Variants in MCC observed in about 807,000 individuals in gnomAD.
MCC encodes the protein colorectal mutant cancer protein.
MCC carries 90 observed loss-of-function variants against 116.2 expected under a neutral mutation model. The observed-to-expected ratio is 0.77, with a 90% CI of 0.65 to 0.92. The LOEUF is 0.92. Ranked by LOEUF, MCC falls within the 40% of genes least tolerant of loss-of-function variation. The pLI is 0.00. For missense variants in MCC, 1,516 were observed against 1,312.2 expected (o/e 1.16, Z -2.40); for synonymous variants, 578 against 510.5 (o/e 1.13, Z -1.78).
chr5:113,306,552 C>T (rs560312423), intron 3 of MCC, among the ~76,000 whole-genome samples: 1 of 152,184 alleles, frequency 6.6e-6, no homozygotes, highest in African/African-American at 2.4e-5. Context: ...AAATCCTTTG[C>T]CCATTTTTAA....
At chr5:113,269,209 C>T (rs1192417167) in intron 3 of MCC, 60 of 985,244 alleles carry the variant, frequency 6.1e-5, no homozygotes, top group Non-Finnish European at 7.1e-5. Flanking sequence ...CCCTCCCTGG[C>T]GTCAGGGCCC....
chr5:113,216,749 G>C (rs1197028138), intron 3 of MCC, among the ~76,000 whole-genome samples: 1 of 152,188 alleles, frequency 6.6e-6, no homozygotes, highest in Non-Finnish European at 1.5e-5. Context: ...CTATAGATGG[G>C]TGACAAAGTA....
intron 3 of MCC, among the ~76,000 whole-genome samples, chr5:113,277,119 G>A (rs538379326): frequency 6.6e-6 from 1 of 151,844 alleles, no homozygotes; most frequent in Non-Finnish European, 1.5e-5. Flanking sequence ...TAGGCAGGCA[G>A]ATCACCTGAG....
At chr5:113,319,349 C>G (rs1041016322) in intron 3 of MCC, among the ~76,000 whole-genome samples, 42 of 152,116 alleles carry the variant, frequency 2.8e-4, no homozygotes, top group Admixed American at 2.6e-3. Context: ...ACTTCTTGCA[C>G]CCAAATGAGG....
At chr5:113,478,979 C>T (rs549852912) in intron 1 of MCC, among the ~76,000 whole-genome samples, 2 of 152,278 alleles carry the variant, frequency 1.3e-5, no homozygotes, top group South Asian at 4.1e-4. Flanking sequence ...TTATCTGAAA[C>T]AGATAATCCT....
chr5:113,359,408 A>C (rs1363345388), intron 2 of MCC, among the ~76,000 whole-genome samples: 1 of 152,216 alleles, frequency 6.6e-6, no homozygotes, highest in East Asian at 1.9e-4. Flanking sequence ...TGATGTCTTT[A>C]AGCACAGGCC....
At chr5:113,178,366 G>A (rs1282759086) in intron 3 of MCC, among the ~76,000 whole-genome samples, 2 of 151,940 alleles carry the variant, frequency 1.3e-5, no homozygotes, top group African/African-American at 4.8e-5. Flanking sequence ...TGGCATTAGT[G>A]CAGCAAAGGA....
chr5:113,354,361 C>G (rs1462172589), intron 2 of MCC, among the ~76,000 whole-genome samples: 1 of 151,968 alleles, frequency 6.6e-6, no homozygotes, highest in East Asian at 1.9e-4. Flanking sequence ...TGGTGAATTA[C>G]AAGAACAGAG....
chr5:113,293,976 G>A (rs891253865), intron 3 of MCC, among the ~76,000 whole-genome samples: 12 of 152,124 alleles, frequency 7.9e-5, no homozygotes, highest in Admixed American at 2.6e-4. Flanking sequence ...GAATGTCCGT[G>A]TATTTTACCG....
chr5:113,458,529 G>C (rs1771646513), intron 1 of MCC, among the ~76,000 whole-genome samples: 1 of 152,174 alleles, frequency 6.6e-6, no homozygotes, highest in African/African-American at 2.4e-5. Flanking sequence ...GTGAGACCAA[G>C]AACCCACCAA....
chr5:113,151,486 C>T, intron 3 of MCC, 64 bp from the exon 4 acceptor site: 1 of 844,000 alleles, frequency 1.2e-6, no homozygotes, highest in Non-Finnish European at 1.9e-6. Context: ...TCCCTTCATT[C>T]CCGCAACTAG....
chr5:113,181,010 C>T (rs1761601767), intron 3 of MCC, among the ~76,000 whole-genome samples: 1 of 152,132 alleles, frequency 6.6e-6, no homozygotes. Context: ...TCCAACCTCC[C>T]AACTTGATTA....
chr5:113,045,157 A>G (rs551261668), intron 16 of MCC, among the ~76,000 whole-genome samples: 9 of 152,012 alleles, frequency 5.9e-5, no homozygotes, highest in Non-Finnish European at 1.3e-4. Context: ...ATTTCGTGAG[A>G]CTCCTTAAAG....
At chr5:113,474,244 T>C (rs1772173671) in intron 1 of MCC, among the ~76,000 whole-genome samples, 1 of 152,050 alleles carries the variant, frequency 6.6e-6, no homozygotes, top group South Asian at 2.1e-4. Context: ...ATGAAAACTA[T>C]GAGAATATCC....
At chr5:113,110,404 G>A (rs1757017428) in intron 6 of MCC, among the ~76,000 whole-genome samples, 1 of 152,336 alleles carries the variant, frequency 6.6e-6, no homozygotes, top group Middle Eastern at 3.4e-3. Flanking sequence ...AAAGGAGGAA[G>A]CATTCCGGTT....
At chr5:113,105,783 C>T (rs527823826) in intron 6 of MCC, among the ~76,000 whole-genome samples, 2 of 152,288 alleles carry the variant, frequency 1.3e-5, no homozygotes, top group South Asian at 2.1e-4. Context: ...AAGTGGGCCT[C>T]CTAAAAGCGC....
At chr5:113,145,063 A>T (rs1759411397) in intron 4 of MCC, among the ~76,000 whole-genome samples, 1 of 152,366 alleles carries the variant, frequency 6.6e-6, no homozygotes, top group South Asian at 2.1e-4. Flanking sequence ...CACAAAAATT[A>T]CAGGATCTCA....
At position 113,280,207 on chromosome 5, in the gene MCC, G is replaced by A. The variant is rs370476474; in HGVS notation, c.627+60312C>T. On this transcript the variant is annotated intron_variant, in intron 3 of 18. Transcript: ENST00000408903. Reference sequence around the variant, plus strand: ...CCCTGGGGCTCAGTGTTTGCCTTCAGAAGTAGATAGAGGCGAGCTGTAGCC... The same window carrying A: ...CCCTGGGGCTCAGTGTTTGCCTTCAAAAGTAGATAGAGGCGAGCTGTAGCC... 1.7e-4 allele frequency among the ~76,000 whole-genome samples: 26 copies of A among 152,298 alleles called. 4 individuals carry two copies. Among genetic ancestry groups the A allele is most frequent in the Admixed American group, 6.5e-4 (10 of 15,298 alleles).
chr5:113,044,424 A>C, intron 16 of MCC: 1 of 903,980 alleles, frequency 1.1e-6, no homozygotes, highest in Non-Finnish European at 1.3e-6. Context: ...CATTCCATGC[A>C]CAGAGAGGAC....
Sources: gnomAD v4.1 joint callset for allele counts (sites outside exome capture counted in the v4.1 genomes callset) on GRCh38, gnomAD v4.1.1 for gene constraint, MANE v1.5 for transcripts, NCBI Gene and HGNC (gene_info 2026-07-23, HGNC 2026-07-21) for gene names.